GRID1: variants seen among roughly 807,000 people sequenced by gnomAD.
GRID1 encodes the protein glutamate receptor ionotropic, delta-1.
A neutral mutation model predicts 98.0 loss-of-function variants in GRID1; 28 were observed. That is an observed-to-expected ratio of 0.29 (90% confidence interval 0.21 to 0.39). The LOEUF is 0.39. Ranked by LOEUF, GRID1 falls within the 10% of genes least tolerant of loss-of-function variation. The pLI is 1.00. For synonymous variants in GRID1, 553 were observed against 538.5 expected, an observed-to-expected ratio of 1.03 and a Z score of -0.37; for missense variants, 1,111 against 1,340.5, an observed-to-expected ratio of 0.83 and a Z score of 2.67.
At chr10:85,757,738 G>C (rs1224049609) in intron 8 of GRID1, among the ~76,000 whole-genome samples, 1 of 152,216 alleles carries the variant, frequency 6.6e-6, no homozygotes, top group African/African-American at 2.4e-5. Context: ...CACACTGTGT[G>C]AACCTAAGGA....
chr10:85,602,369 C>T lies in GRID1; in HGVS notation c.2934G>A (p.Gln978=). ...TGGGGATGGGGGTCTTCACCGGGCT[C>T]TGCCGGAACAGCCCCCCGTTGGGTG... ...HRSPNGGLFR[Q]SPVKTPIPMS... Residue 978 remains glutamine (Q), a synonymous_variant, in exon 16 of 16, where the codon CAG becomes CAA. Coordinates refer to ENST00000327946, the MANE Select transcript of GRID1 (RefSeq NM_017551.3). The T allele has an allele frequency of 1.2e-6, 2 of 1,604,122 alleles. No homozygotes were observed. Among genetic ancestry groups the T allele is most frequent in the Admixed American group, 1.7e-5 (1 of 59,676 alleles).
intron 12 of GRID1, among the ~76,000 whole-genome samples, chr10:85,673,681 C>T (rs148909141): frequency 9.2e-5 from 14 of 152,244 alleles, no homozygotes; most frequent in African/African-American, 3.4e-4. Flanking sequence ...AGACATAATG[C>T]TATTGAATAC....
rs149798155 is a variant in GRID1 at position 85,874,484 on chromosome 10, T to A, written c.781-5304A>T. ...TAAGGTTGAATATCTTTTATACACT[T>A]ATGAATCATTTGTATTGCCTTTCCT... On this transcript the variant is annotated intron_variant, in intron 5 of 15. Transcript: ENST00000327946. Among the ~76,000 whole-genome samples, 944 of 152,340 alleles carry A rather than the reference T, an allele frequency of 6.2e-3. 9 individuals are homozygous for A. Among genetic ancestry groups the A allele is most frequent in the Middle Eastern group, 0.027 (8 of 294 alleles).
chr10:86,001,912 C>T (rs911888909), intron 4 of GRID1, among the ~76,000 whole-genome samples: 13 of 152,206 alleles, frequency 8.5e-5, no homozygotes, highest in Non-Finnish European at 2.9e-5. Flanking sequence ...AAGGATCCTT[C>T]CTTGCCTCTT....
chr10:86,305,280 C>T (rs1306383216), intron 2 of GRID1, among the ~76,000 whole-genome samples: 2 of 152,106 alleles, frequency 1.3e-5, no homozygotes, highest in African/African-American at 4.8e-5. Flanking sequence ...TGGGGGAAGC[C>T]CTCCCTCAAC....
chr10:86,232,480 G>A (rs1846471728), intron 2 of GRID1, among the ~76,000 whole-genome samples: 1 of 152,176 alleles, frequency 6.6e-6, no homozygotes, highest in Non-Finnish European at 1.5e-5. Context: ...CAGCCCAGCT[G>A]CCTCTCCTGT....
At chr10:85,669,759 C>A (rs1005351260) in intron 12 of GRID1, among the ~76,000 whole-genome samples, 1 of 152,152 alleles carries the variant, frequency 6.6e-6, no homozygotes, top group Non-Finnish European at 1.5e-5. Context: ...AACTGGAAGC[C>A]ACCTTTAATA....
Position 85,716,660 on chromosome 10 carries a change from T to C in GRID1, c.1997+6343A>G, listed in dbSNP as rs933065234. 1.5e-4 allele frequency among the ~76,000 whole-genome samples: 22 copies of C among 148,280 alleles called. No homozygotes were observed. The South Asian group carries it at 2.3e-3, about 16-fold the overall frequency. Reference sequence around the variant, plus strand: ...ATATATTATATATACACATATACAATGTACATAATGTAATTATTTGTATAT... The same window carrying C: ...ATATATTATATATACACATATACAACGTACATAATGTAATTATTTGTATAT... On this transcript the variant is annotated intron_variant, in intron 12 of 15. Coordinates refer to ENST00000327946, the MANE Select transcript of GRID1 (RefSeq NM_017551.3).
At chr10:86,052,879 C>A (rs1214932772) in intron 4 of GRID1, among the ~76,000 whole-genome samples, 1 of 152,222 alleles carries the variant, frequency 6.6e-6, no homozygotes, top group Admixed American at 6.5e-5. Context: ...TAATTCAAAA[C>A]ATTTCAATAG....
chr10:85,746,417 C>T (rs140023169), intron 8 of GRID1, among the ~76,000 whole-genome samples: 354 of 152,230 alleles, frequency 2.3e-3, no homozygotes, highest in African/African-American at 8.1e-3. Flanking sequence ...GTGACCTTGT[C>T]GCTTCCACAT....
At chr10:86,230,499 C>A (rs1020097035) in intron 2 of GRID1, among the ~76,000 whole-genome samples, 1 of 152,212 alleles carries the variant, frequency 6.6e-6, no homozygotes, top group African/African-American at 2.4e-5. Context: ...ACGGCTTCTC[C>A]TGATCAGCTC....
chr10:86,154,814 C>T (rs1845221619), intron 3 of GRID1, among the ~76,000 whole-genome samples: 1 of 152,174 alleles, frequency 6.6e-6, no homozygotes, highest in Non-Finnish European at 1.5e-5. Context: ...AGAGCACACA[C>T]CTCTGCTCGC....
chr10:85,855,250 C>G (rs1410817156), intron 7 of GRID1, among the ~76,000 whole-genome samples: 2 of 152,348 alleles, frequency 1.3e-5, no homozygotes, highest in East Asian at 3.9e-4. Flanking sequence ...GCTGTGGTCT[C>G]CATGCCTCTC....
At chr10:85,800,434 A>G (rs1400138152) in intron 8 of GRID1, among the ~76,000 whole-genome samples, 1 of 152,074 alleles carries the variant, frequency 6.6e-6, no homozygotes, top group African/African-American at 2.4e-5. Context: ...ACATAGAGAA[A>G]AATTTTAAAG....
At chr10:85,900,025 C>T (rs1841357357) in intron 5 of GRID1, among the ~76,000 whole-genome samples, 1 of 152,200 alleles carries the variant, frequency 6.6e-6, no homozygotes, top group South Asian at 2.1e-4. Context: ...TGGTTTGAGG[C>T]AGTAGGAAAG....
chr10:85,782,271 C>T (rs575858563), intron 8 of GRID1, among the ~76,000 whole-genome samples: 1 of 127,074 alleles, frequency 7.9e-6, no homozygotes, highest in African/African-American at 3.1e-5. Flanking sequence ...AATCAGAATC[C>T]ACATTGTAAC....
intron 2 of GRID1, among the ~76,000 whole-genome samples, chr10:86,224,072 C>T (rs1351548592): frequency 2.0e-5 from 3 of 152,226 alleles, no homozygotes; most frequent in South Asian, 2.1e-4. Flanking sequence ...GAAAACCTTC[C>T]TGGGATGCCA....
chr10:86,178,886 C>T (rs763048632), intron 3 of GRID1, among the ~76,000 whole-genome samples: 1 of 152,162 alleles, frequency 6.6e-6, no homozygotes, highest in South Asian at 2.1e-4. Flanking sequence ...TTTTCTCTGT[C>T]GCTTTGAGCC....
chr10:85,730,288 A>G (rs552703460), intron 8 of GRID1, among the ~76,000 whole-genome samples: 163 of 152,318 alleles, frequency 1.1e-3, no homozygotes, highest in South Asian at 2.5e-3. Context: ...GTCAAGGAGA[A>G]CCTACCTTGG....
Sources: gnomAD v4.1 joint callset for allele counts (sites outside exome capture counted in the v4.1 genomes callset) on GRCh38, gnomAD v4.1.1 for gene constraint, MANE v1.5 for transcripts, NCBI Gene and HGNC (gene_info 2026-07-23, HGNC 2026-07-21) for gene names.